The following ZCCHC17 variants were observed in gnomAD, a reference collection of about 807,000 sequenced individuals.
The protein encoded by ZCCHC17 is zinc finger CCHC-type containing 17.
In ZCCHC17, 18 loss-of-function variants were observed where a neutral mutation model predicts 30.6. The observed-to-expected ratio is 0.59, with a 90% CI of 0.41 to 0.87. The LOEUF is 0.87. ZCCHC17 is among the 40% of genes least tolerant of loss of function. The pLI, the probability that ZCCHC17 is intolerant of heterozygous loss-of-function variation, is 0.00. For synonymous variants in ZCCHC17, 88 were observed against 92.4 expected (o/e 0.95, Z 0.27); for missense variants, 263 against 284.2 (o/e 0.93, Z 0.54).
chr1:31,315,101 C>T (rs1646700723), intron 2 of ZCCHC17, among the ~76,000 whole-genome samples: 1 of 152,200 alleles, frequency 6.6e-6, no homozygotes, highest in Non-Finnish European at 1.5e-5. Flanking sequence ...TTGTATGTGT[C>T]TCTCTCCACT....
chr1:31,361,720 G>C (rs946870457), intron 7 of ZCCHC17, among the ~76,000 whole-genome samples: 1 of 152,190 alleles, frequency 6.6e-6, no homozygotes, highest in African/African-American at 2.4e-5. Flanking sequence ...CTTTCAACTT[G>C]TCCAAGCCTT....
intron 3 of ZCCHC17, among the ~76,000 whole-genome samples, chr1:31,332,911 C>T (rs1239566467): frequency 3.9e-5 from 6 of 152,034 alleles, no homozygotes; most frequent in South Asian, 2.1e-4. Context: ...CATGAGCCAC[C>T]GCGCTTGGCC....
chr1:31,304,360 T>C (rs1484260161), intron 1 of ZCCHC17, among the ~76,000 whole-genome samples: 1 of 151,840 alleles, frequency 6.6e-6, no homozygotes, highest in Non-Finnish European at 1.5e-5. Flanking sequence ...CTCGGCTCGC[T>C]GCAACCTCCA....
At chr1:31,301,167 T>TG (rs1273256524) in intron 1 of ZCCHC17, among the ~76,000 whole-genome samples, 1 of 152,186 alleles carries the variant, frequency 6.6e-6, no homozygotes, top group Non-Finnish European at 1.5e-5. Context: ...ACAATTTAAA[T>TG]GGGGTAAAAT....
chr1:31,307,307 C>A (rs1484614108), intron 1 of ZCCHC17, among the ~76,000 whole-genome samples: 1 of 152,012 alleles, frequency 6.6e-6, no homozygotes, highest in East Asian at 1.9e-4. Context: ...TCTTAGGCCA[C>A]TGTTCTACAA....
intron 2 of ZCCHC17, among the ~76,000 whole-genome samples, chr1:31,317,313 C>T (rs1432657556): frequency 6.6e-6 from 1 of 152,186 alleles, no homozygotes; most frequent in Non-Finnish European, 1.5e-5. Context: ...GCATGAGCCT[C>T]CGTGCCTGGC....
intron 1 of ZCCHC17, among the ~76,000 whole-genome samples, chr1:31,308,668 T>C (rs1646525037): frequency 1.3e-5 from 2 of 152,226 alleles, no homozygotes; most frequent in African/African-American, 4.8e-5. Flanking sequence ...GCTAGATTGC[T>C]GGTTTCCCCT....
chr1:31,340,016 C>T (rs932736380), intron 5 of ZCCHC17, among the ~76,000 whole-genome samples: 7 of 128,666 alleles, frequency 5.4e-5, no homozygotes, highest in African/African-American at 1.4e-4. Flanking sequence ...GAGTGCAGTG[C>T]CATAATCACG....
At chr1:31,325,919 G>A (rs149803613) in intron 3 of ZCCHC17, among the ~76,000 whole-genome samples, 250 of 151,738 alleles carry the variant, frequency 1.6e-3, no homozygotes, top group African/African-American at 5.8e-3. Flanking sequence ...CTTGGGCCCA[G>A]AAGTTAGAGG....
chr1:31,330,987 T>C (rs895652780), intron 3 of ZCCHC17, among the ~76,000 whole-genome samples: 7 of 152,152 alleles, frequency 4.6e-5, no homozygotes, highest in Admixed American at 1.3e-4. Flanking sequence ...CAGCCATAGA[T>C]AGAAATAAAC....
intron 5 of ZCCHC17, among the ~76,000 whole-genome samples, chr1:31,346,198 C>T (rs1015876985): frequency 6.6e-6 from 1 of 151,964 alleles, no homozygotes; most frequent in Non-Finnish European, 1.5e-5. Context: ...AGCACTGAGC[C>T]ACATGGATAA....
At chr1:31,351,993 T>G (rs1021262785) in intron 7 of ZCCHC17, among the ~76,000 whole-genome samples, 2 of 152,242 alleles carry the variant, frequency 1.3e-5, no homozygotes, top group South Asian at 2.1e-4. Context: ...GACTGCCTAC[T>G]TGACGTCTAC....
chr1:31,320,952 A>G (rs1646845883), intron 3 of ZCCHC17, among the ~76,000 whole-genome samples: 1 of 152,116 alleles, frequency 6.6e-6, no homozygotes, highest in Admixed American at 6.5e-5. Flanking sequence ...ACTTGTTATT[A>G]TCTTTCTGGG....
At chr1:31,323,050 C>T (rs911719948) in intron 3 of ZCCHC17, among the ~76,000 whole-genome samples, 3 of 152,044 alleles carry the variant, frequency 2.0e-5, no homozygotes, top group Non-Finnish European at 2.9e-5. Flanking sequence ...TATCTAATCA[C>T]ATCGTTGATT....
chr1:31,318,878 C>T (rs1359604630), intron 2 of ZCCHC17, among the ~76,000 whole-genome samples: 4 of 152,010 alleles, frequency 2.6e-5, no homozygotes, highest in Admixed American at 6.6e-5. Flanking sequence ...ATCATCACAC[C>T]GTGTGATAAC....
At chr1:31,339,960 C>CTGTTTTT (rs1638973436) in intron 5 of ZCCHC17, among the ~76,000 whole-genome samples, 1 of 90,402 alleles carries the variant, frequency 1.1e-5, no homozygotes, top group Non-Finnish European at 2.2e-5. Flanking sequence ...TCTTGGATTT[C>CTGTTTTT]TTTTTTTTTT....
At chr1:31,348,035 G>A (rs969136841) in intron 6 of ZCCHC17, among the ~76,000 whole-genome samples, 2 of 152,082 alleles carry the variant, frequency 1.3e-5, no homozygotes, top group African/African-American at 4.8e-5. Flanking sequence ...ACCACTATAG[G>A]CTCAGTGAAG....
intron 5 of ZCCHC17, among the ~76,000 whole-genome samples, chr1:31,346,136 G>A (rs1639262322): frequency 6.6e-6 from 1 of 152,170 alleles, no homozygotes; most frequent in South Asian, 2.1e-4. Flanking sequence ...TGAGGTGAGA[G>A]TCAAGTGGGG....
chr1:31,363,187 T>C (rs1639987103), intron 7 of ZCCHC17, among the ~76,000 whole-genome samples: 1 of 149,742 alleles, frequency 6.7e-6, no homozygotes, highest in Admixed American at 6.6e-5. Context: ...TTATACTTTT[T>C]TTTTTTTTTT....
Sources: gnomAD v4.1 joint callset for allele counts (sites outside exome capture counted in the v4.1 genomes callset) on GRCh38, gnomAD v4.1.1 for gene constraint, MANE v1.5 for transcripts, NCBI Gene and HGNC (gene_info 2026-07-23, HGNC 2026-07-21) for gene names.